Variants in CDH12 observed in about 807,000 individuals in gnomAD.
The protein encoded by CDH12 is cadherin 12, also known as cadherin-12.
Under a neutral mutation model 74.1 loss-of-function variants are expected in CDH12, and 41 were observed. The observed-to-expected ratio is 0.55, with a 90% CI of 0.43 to 0.72. CDH12 has a LOEUF of 0.72. CDH12 is among the 30% of genes least tolerant of loss of function. The pLI, the probability that CDH12 is intolerant of heterozygous loss-of-function variation, is 0.00. For synonymous variants in CDH12, 399 were observed against 355.0 expected, an observed-to-expected ratio of 1.12 and a Z score of -1.39; for missense variants, 945 against 977.2, an observed-to-expected ratio of 0.97 and a Z score of 0.44.
intron 1 of CDH12, among the ~76,000 whole-genome samples, chr5:22,818,417 C>T (rs1749499648): frequency 6.6e-6 from 1 of 152,108 alleles, no homozygotes; most frequent in South Asian, 2.1e-4. Flanking sequence ...TCATCTTCCT[C>T]CATCCCTTTC....
intron 3 of CDH12, among the ~76,000 whole-genome samples, chr5:22,243,897 C>G (rs150770119): frequency 3.7e-4 from 56 of 152,224 alleles, no homozygotes; most frequent in African/African-American, 1.2e-3. Flanking sequence ...TTATCAAGAA[C>G]CAGTCACATG....
At chr5:22,449,270 A>G (rs1409544488) in intron 2 of CDH12, among the ~76,000 whole-genome samples, 1 of 152,054 alleles carries the variant, frequency 6.6e-6, no homozygotes, top group Non-Finnish European at 1.5e-5. Flanking sequence ...TACAAGTTAA[A>G]GAAATCTGAA....
intron 2 of CDH12, among the ~76,000 whole-genome samples, chr5:22,422,526 A>G (rs1016965638): frequency 6.6e-6 from 1 of 152,146 alleles, no homozygotes; most frequent in Non-Finnish European, 1.5e-5. Flanking sequence ...GATTGGCCTA[A>G]GGTTTCCTTT....
Position 21,802,985 on chromosome 5 carries a change from A to G in CDH12, c.1003-565T>C, listed in dbSNP as rs1251474111. Among the ~76,000 whole-genome samples, 8 of 152,172 alleles carry G rather than the reference A, an allele frequency of 5.3e-5. No homozygotes were observed. In the East Asian group the frequency reaches 1.5e-3, roughly 29 times the overall value. On this transcript the variant is annotated intron_variant, in intron 9 of 14. Transcript: ENST00000382254. ...ACTCATCATTTACGTGCAGACATAC[A>G]TGCTAGGTAGGGCTTAATCATTTTA...
intron 8 of CDH12, among the ~76,000 whole-genome samples, chr5:21,824,872 G>T (rs1218721472): frequency 6.6e-6 from 1 of 151,990 alleles, no homozygotes; most frequent in Non-Finnish European, 1.5e-5. Context: ...ACAAAATATT[G>T]CCCAGGCACA....
chr5:21,875,557 C>T (rs1751882862), intron 6 of CDH12, among the ~76,000 whole-genome samples: 1 of 184 alleles, frequency 5.4e-3, no homozygotes, highest in Non-Finnish European at 0.02. Context: ...TATACCATTG[C>T]TCTGTCCAAA....
chr5:22,102,662 CAATAAATAAATAAATA>C (rs59315895), intron 4 of CDH12, among the ~76,000 whole-genome samples: 1 of 148,584 alleles, frequency 6.7e-6, no homozygotes, highest in African/African-American at 2.5e-5. Flanking sequence ...ACTCCGTCTC[CAATAAATAAATAAATA>C]AATAAATAAA....
At chr5:22,098,730 C>T (rs539480998) in intron 4 of CDH12, among the ~76,000 whole-genome samples, 11 of 152,254 alleles carry the variant, frequency 7.2e-5, no homozygotes, top group African/African-American at 2.2e-4. Flanking sequence ...CACCTGACCC[C>T]CATGACTGTA....
At chr5:21,837,541 T>TAA (rs1456317732) in intron 8 of CDH12, among the ~76,000 whole-genome samples, 1 of 152,082 alleles carries the variant, frequency 6.6e-6, no homozygotes, top group East Asian at 1.9e-4. Context: ...AATTCTTTCT[T>TAA]ATGTATGTAT....
At chr5:22,007,028 T>A (rs1737005898) in intron 5 of CDH12, among the ~76,000 whole-genome samples, 1 of 152,100 alleles carries the variant, frequency 6.6e-6, no homozygotes, top group Admixed American at 6.6e-5. Context: ...AAATTATTTA[T>A]TTACACTTTT....
intron 1 of CDH12, among the ~76,000 whole-genome samples, chr5:22,719,721 T>A (rs1478780686): frequency 6.6e-6 from 1 of 152,168 alleles, no homozygotes; most frequent in Admixed American, 6.5e-5. Flanking sequence ...AAAATAATCA[T>A]AATTTATAGA....
intron 5 of CDH12, among the ~76,000 whole-genome samples, chr5:21,989,133 G>GA (rs1028688346): frequency 6.6e-6 from 1 of 150,622 alleles, no homozygotes; most frequent in Non-Finnish European, 1.5e-5. Flanking sequence ...AGAAAGGAAG[G>GA]AAAAAAGAAA....
chr5:22,805,814 C>T (rs1293472821), intron 1 of CDH12, among the ~76,000 whole-genome samples: 2 of 152,090 alleles, frequency 1.3e-5, no homozygotes, highest in Admixed American at 6.6e-5. Context: ...CCCTAGTCCC[C>T]CACCCCTCGA....
intron 1 of CDH12, among the ~76,000 whole-genome samples, chr5:22,742,957 C>G (rs1745102596): frequency 6.6e-6 from 1 of 151,650 alleles, no homozygotes. Flanking sequence ...AGCAGATTGT[C>G]ATTTCTAATG....
At chr5:22,635,455 C>A (rs1375586277) in intron 1 of CDH12, among the ~76,000 whole-genome samples, 1 of 151,984 alleles carries the variant, frequency 6.6e-6, no homozygotes, top group African/African-American at 2.4e-5. Context: ...AGATAGGACA[C>A]CAAAACCTAA....
chr5:21,776,384 A>G (rs967100288), intron 11 of CDH12, among the ~76,000 whole-genome samples: 2 of 152,176 alleles, frequency 1.3e-5, no homozygotes, highest in African/African-American at 4.8e-5. Context: ...CCAAATTTGT[A>G]ACATAGCATA....
chr5:22,664,755 G>A (rs530379836), intron 1 of CDH12, among the ~76,000 whole-genome samples: 9 of 152,198 alleles, frequency 5.9e-5, no homozygotes, highest in Admixed American at 5.2e-4. Context: ...TAACGGACAG[G>A]TTAAGTAATT....
rs10473569 is a variant in CDH12, at chr5:22,064,022, A to C, written c.231+14424T>G. 2.8e-3 allele frequency among the ~76,000 whole-genome samples: 345 copies of C among 121,706 alleles called. 5 individuals are homozygous for C. Among genetic ancestry groups the C allele is most frequent in the East Asian group, 5.7e-3 (24 of 4,218 alleles). 79.8% of individuals were successfully genotyped at this position (121,706 alleles called of 152,430 possible). A position where few individuals can be genotyped will look rare whatever the true frequency, so the allele number is the denominator to read the frequency against. On this transcript the variant is annotated intron_variant, in intron 5 of 14. Transcript: ENST00000382254. ...ACACACACACACACACACACACACAAACACACACACACACACAGTTGACCA... is the reference window on the plus strand; with the variant it reads ...ACACACACACACACACACACACACACACACACACACACACACAGTTGACCA...
chr5:22,007,595 T>A (rs1171222306), intron 5 of CDH12, among the ~76,000 whole-genome samples: 1 of 152,182 alleles, frequency 6.6e-6, no homozygotes, highest in Non-Finnish European at 1.5e-5. Flanking sequence ...GAAAAATTAT[T>A]CCTGTTTAAA....
Sources: gnomAD v4.1 joint callset for allele counts (sites outside exome capture counted in the v4.1 genomes callset) on GRCh38, gnomAD v4.1.1 for gene constraint, MANE v1.5 for transcripts, NCBI Gene and HGNC (gene_info 2026-07-23, HGNC 2026-07-21) for gene names.